TMTC2: variants seen among roughly 807,000 people sequenced by gnomAD.
TMTC2 encodes the protein transmembrane O-mannosyltransferase targeting cadherins 2.
Under a neutral mutation model 82.4 loss-of-function variants are expected in TMTC2, and 43 were observed. That is an observed-to-expected ratio of 0.52 (90% confidence interval 0.41 to 0.67). TMTC2 has a LOEUF of 0.67. Among genes scored for constraint, TMTC2 ranks in the 30% least tolerant of loss-of-function variants. TMTC2 has a pLI of 0.00. For synonymous variants in TMTC2, 408 were observed against 381.9 expected (o/e 1.07, Z -0.80); for missense variants, 919 against 1,012.4 (o/e 0.91, Z 1.25).
At chr12:83,038,626 G>A (rs183070357) in intron 9 of TMTC2, among the ~76,000 whole-genome samples, 3 of 151,936 alleles carry the variant, frequency 2.0e-5, no homozygotes, top group Non-Finnish European at 2.9e-5. Context: ...CCAAAATTAA[G>A]GTTATGAAAG....
chr12:83,059,119 AC>A (rs1882646426), intron 10 of TMTC2, among the ~76,000 whole-genome samples: 1 of 151,824 alleles, frequency 6.6e-6, no homozygotes, highest in African/African-American at 2.4e-5. Flanking sequence ...AGTCTCGGGA[AC>A]CTGAGTCCTG....
intron 1 of TMTC2, among the ~76,000 whole-genome samples, chr12:82,769,594 GA>G (rs1252587460): frequency 1.3e-5 from 2 of 152,150 alleles, no homozygotes; most frequent in African/African-American, 4.8e-5. Flanking sequence ...ATAAAAGTCA[GA>G]AGTGATGTTA....
chr12:82,747,726 A>G (rs537630083), intron 1 of TMTC2, among the ~76,000 whole-genome samples: 1 of 152,294 alleles, frequency 6.6e-6, no homozygotes, highest in South Asian at 2.1e-4. Context: ...TGTTGCTATT[A>G]TTTGGCATAT....
At chr12:82,720,450 A>G (rs1308534241) in intron 1 of TMTC2, among the ~76,000 whole-genome samples, 1 of 151,492 alleles carries the variant, frequency 6.6e-6, no homozygotes, top group Non-Finnish European at 1.5e-5. Context: ...AACATTTTAT[A>G]TTAAATATTA....
intron 3 of TMTC2, among the ~76,000 whole-genome samples, chr12:82,910,640 T>C (rs896964731): frequency 6.6e-6 from 1 of 152,144 alleles, no homozygotes; most frequent in Non-Finnish European, 1.5e-5. Flanking sequence ...AAGAAGTAGC[T>C]CTTAGCAGAC....
intron 2 of TMTC2, among the ~76,000 whole-genome samples, chr12:82,871,841 C>T (rs1348970124): frequency 6.6e-6 from 1 of 151,802 alleles, no homozygotes; most frequent in African/African-American, 2.4e-5. Flanking sequence ...TTTATTAATA[C>T]ATATGTACTG....
At chr12:82,942,791 G>A (rs1876790166) in intron 4 of TMTC2, among the ~76,000 whole-genome samples, 1 of 151,994 alleles carries the variant, frequency 6.6e-6, no homozygotes, top group Admixed American at 6.6e-5. Context: ...AAGTCAGAAA[G>A]GATTTTATGG....
chr12:82,772,672 T>A (rs2136997380), intron 1 of TMTC2, among the ~76,000 whole-genome samples: 1 of 152,286 alleles, frequency 6.6e-6, no homozygotes, highest in East Asian at 1.9e-4. Context: ...GAGTTAATTA[T>A]CCCTGTCTCT....
At chr12:82,769,359 C>T (rs1413959524) in intron 1 of TMTC2, among the ~76,000 whole-genome samples, 1 of 151,750 alleles carries the variant, frequency 6.6e-6, no homozygotes, top group African/African-American at 2.4e-5. Context: ...GCCTGTAATC[C>T]CAGAGACTCA....
Position 83,132,580 on chromosome 12 carries a change from A to G in TMTC2, c.*191A>G, listed in dbSNP as rs1885296653. ...CAGCTGTTAACACCAAAAAGGGGAA[A>G]GCCGGAAACCTCCTGGAGGATGTCA... is the stretch of plus-strand genomic sequence containing the variant. On this transcript the variant is annotated 3_prime_UTR_variant, in exon 12 of 12. Coordinates refer to ENST00000321196, the MANE Select transcript of TMTC2 (RefSeq NM_152588.3). The G allele has an allele frequency of 1.7e-6, 1 of 602,026 alleles. No homozygotes were observed. The highest frequency in any genetic ancestry group is 2.7e-6 in the Non-Finnish European group (1 of 363,714). The allele number at this position is 602,026 out of a possible 1,614,324, so 37.3% of individuals were successfully genotyped here. A position where few individuals can be genotyped will look rare whatever the true frequency, so the allele number is the denominator to read the frequency against.
At chr12:82,774,650 T>G (rs797008956) in intron 1 of TMTC2, among the ~76,000 whole-genome samples, 3 of 149,330 alleles carry the variant, frequency 2.0e-5, no homozygotes, top group Admixed American at 6.6e-5. Context: ...TTTTTTTTTT[T>G]GTCTGGGGAT....
chr12:82,765,978 G>T (rs1190211453), intron 1 of TMTC2, among the ~76,000 whole-genome samples: 2 of 152,112 alleles, frequency 1.3e-5, no homozygotes, highest in Non-Finnish European at 2.9e-5. Flanking sequence ...GCTTCTTTGG[G>T]GTGAGGCCCA....
At chr12:82,987,692 G>C (rs547458044) in intron 8 of TMTC2, among the ~76,000 whole-genome samples, 1 of 152,052 alleles carries the variant, frequency 6.6e-6, no homozygotes, top group Non-Finnish European at 1.5e-5. Context: ...GTTTTTGTTT[G>C]TTTGTTTTCA....
intron 10 of TMTC2, among the ~76,000 whole-genome samples, chr12:83,060,897 A>G (rs1211727953): frequency 6.6e-6 from 1 of 151,756 alleles, no homozygotes; most frequent in Admixed American, 6.6e-5. Flanking sequence ...TGCACATCTT[A>G]TTTGTACAAG....
At chr12:82,807,258 TTTAA>T (rs1273037638) in intron 1 of TMTC2, among the ~76,000 whole-genome samples, 1 of 152,144 alleles carries the variant, frequency 6.6e-6, no homozygotes, top group African/African-American at 2.4e-5. Context: ...ACCCAGTGCA[TTTAA>T]TTGTTAGTTT....
intron 1 of TMTC2, among the ~76,000 whole-genome samples, chr12:82,693,591 G>T (rs937611490): frequency 6.6e-6 from 1 of 152,154 alleles, no homozygotes. Flanking sequence ...CTAAATTTCT[G>T]TCTCACCCTC....
intron 4 of TMTC2, among the ~76,000 whole-genome samples, chr12:82,937,750 GTATATATATATATATATATATATA>G (rs1162321741): frequency 7.5e-5 from 8 of 106,050 alleles, no homozygotes; most frequent in African/African-American, 1.5e-4. Context: ...GTGTGTGTGT[GTATATATATATATATATATATATA>G]TATATATATA....
intron 1 of TMTC2, among the ~76,000 whole-genome samples, chr12:82,715,650 G>A (rs1565719122): frequency 6.6e-6 from 1 of 152,150 alleles, no homozygotes; most frequent in Non-Finnish European, 1.5e-5. Context: ...TGGACTTTAG[G>A]CAGATAAGGA....
intron 2 of TMTC2, among the ~76,000 whole-genome samples, chr12:82,863,965 G>C (rs184532590): frequency 6.6e-6 from 1 of 152,126 alleles, no homozygotes; most frequent in African/African-American, 2.4e-5. Flanking sequence ...GGTTACTTTT[G>C]GTTGAGGGGA....
Sources: gnomAD v4.1 joint callset for allele counts (sites outside exome capture counted in the v4.1 genomes callset) on GRCh38, gnomAD v4.1.1 for gene constraint, MANE v1.5 for transcripts, NCBI Gene and HGNC (gene_info 2026-07-23, HGNC 2026-07-21) for gene names.